CBX5: variants seen among roughly 807,000 people sequenced by gnomAD.
CBX5 encodes the protein chromobox protein homolog 5.
A neutral mutation model predicts 20.7 loss-of-function variants in CBX5; 7 were observed. That is an observed-to-expected ratio of 0.34 (90% CI 0.19 to 0.63). The LOEUF is 0.63. CBX5 is among the 30% of genes least tolerant of loss of function. The pLI is 0.75. For synonymous variants in CBX5, 78 were observed against 77.0 expected, an observed-to-expected ratio of 1.01 and a Z score of -0.07; for missense variants, 110 against 224.1, an observed-to-expected ratio of 0.49 and a Z score of 3.25.
intron 2 of CBX5, among the ~76,000 whole-genome samples, chr12:54,254,860 A>C (rs987688602): frequency 1.3e-5 from 2 of 152,152 alleles, no homozygotes; most frequent in Non-Finnish European, 2.9e-5. Context: ...GTCTCAAAAA[A>C]AGAAAAGAAG....
chr12:54,251,379 C>T (rs1012279011), intron 3 of CBX5, among the ~76,000 whole-genome samples: 8 of 151,712 alleles, frequency 5.3e-5, no homozygotes, highest in Non-Finnish European at 1.2e-4. Context: ...ATTAGCTGGG[C>T]GTGGTGGCAG....
At chr12:54,260,051 C>T (rs1031226182) in intron 1 of CBX5, among the ~76,000 whole-genome samples, 1 of 147,644 alleles carries the variant, frequency 6.8e-6, no homozygotes, top group African/African-American at 2.5e-5. Flanking sequence ...GGAAAAATAA[C>T]AGGAAACAGG....
intron 2 of CBX5, among the ~76,000 whole-genome samples, chr12:54,253,334 G>A (rs1029858034): frequency 2.0e-5 from 3 of 152,090 alleles, no homozygotes; most frequent in African/African-American, 7.2e-5. Flanking sequence ...AGAACTGCTT[G>A]AATCTGGGAG....
chr12:54,265,977 G>T (rs1943951903), intron 1 of CBX5, among the ~76,000 whole-genome samples: 1 of 151,876 alleles, frequency 6.6e-6, no homozygotes, highest in Non-Finnish European at 1.5e-5. Flanking sequence ...AACCTGGGAG[G>T]TGGAGGTTGC....
At chr12:54,275,725 G>C (rs1002982145) in intron 1 of CBX5, among the ~76,000 whole-genome samples, 4 of 151,864 alleles carry the variant, frequency 2.6e-5, no homozygotes, top group Non-Finnish European at 4.4e-5. Flanking sequence ...CACATTGGAG[G>C]CTGGGCACAG....
chr12:54,257,664 C>G lies in CBX5; in HGVS notation c.-14G>C. 6.2e-7 allele frequency: 1 copy of G among 1,614,132 alleles called. No individual in the cohort carries two copies. Among genetic ancestry groups the G allele is most frequent in the Non-Finnish European group, 8.5e-7 (1 of 1,179,970 alleles). ...TTTCTTTCCCATGTCGCACACCGTT[C>G]CACCTGAAAGACTAAGGCCACCAGG... On this transcript the variant is annotated 5_prime_UTR_variant, in exon 2 of 5. Coordinates refer to ENST00000209875, the MANE Select transcript of CBX5 (RefSeq NM_012117.3).
At position 54,231,447 on chromosome 12, in the gene CBX5, T is replaced by A. The variant is rs937108502; in HGVS notation, c.*10308A>T. The A allele has an allele frequency of 2.6e-5, 4 of 154,760 alleles. No homozygotes were observed. The highest frequency in any genetic ancestry group is 9.6e-5 in the African/African-American group (4 of 41,650). The allele number at this position is 154,760 out of a possible 1,614,324, so 9.6% of individuals were successfully genotyped here. The stretch of plus-strand genomic sequence containing the variant: ...ACTCCACAGAACCATCTGGTACTGC[T>A]AGTGCTGGGTGAACAGTGAGAGCAG... On this transcript the variant is annotated 3_prime_UTR_variant, in exon 5 of 5. Coordinates refer to ENST00000209875, the MANE Select transcript of CBX5 (RefSeq NM_012117.3).
Position 54,252,171 on chromosome 12 carries a change from T to C in CBX5, c.194A>G (p.Glu65Gly), listed in dbSNP as rs1223977885. Residue 65 changes from glutamate (E) to glycine (G), a missense_variant, in exon 3 of 5, where the codon GAA becomes GGA. Transcript: ENST00000209875. ...KNLDCPELIS[E>G]FMKKYKKMKE... ...CATCTTCTTATACTTTTTCATAAAT[T>C]CAGAAATTAGCTCAGGGCAATCCAA... 6.2e-7 allele frequency: 1 copy of C among 1,604,052 alleles called. No individual in the cohort carries two copies. Among genetic ancestry groups the C allele is most frequent in the Non-Finnish European group, 8.5e-7 (1 of 1,175,362 alleles).
intron 2 of CBX5, 167 bp from the exon 3 acceptor site, chr12:54,252,394 G>GAAAAAAAAAAA (rs397737743): frequency 4.2e-6 from 1 of 238,396 alleles, no homozygotes. Context: ...CAGGAAAAAT[G>GAAAAAAAAAAA]AAAAAAAAAA....
Position 54,243,515 on chromosome 12 carries a change from T to A in CBX5, c.426-1610A>T, listed in dbSNP as rs944447910. Among the ~76,000 whole-genome samples the A allele has an allele frequency of 3.5e-4, 53 of 152,170 alleles. 1 individual carries two copies. The highest frequency in any genetic ancestry group is 1.2e-3 in the African/African-American group (49 of 41,510). On this transcript the variant is annotated intron_variant, in intron 4 of 4. Transcript: ENST00000209875. Reference sequence around the variant, plus strand: ...GGGCAAGGCTGCAGTGAGCTGTGATTACGCCACTGCACTCCAGCCTGGGTG... The same window carrying A: ...GGGCAAGGCTGCAGTGAGCTGTGATAACGCCACTGCACTCCAGCCTGGGTG...
intron 1 of CBX5, chr12:54,272,514 A>G (rs1294562949): frequency 1.3e-5 from 2 of 152,258 alleles, no homozygotes; most frequent in African/African-American, 2.4e-5. Flanking sequence ...CAGGCTACAC[A>G]GTCTATAGTC....
chr12:54,257,411 G>T, intron 2 of CBX5, 103 bp downstream of exon 2: 1 of 1,159,446 alleles, frequency 8.6e-7, no homozygotes, highest in Non-Finnish European at 1.3e-6. Flanking sequence ...AAGAGTGCAG[G>T]AGGGGGAAGA....
At chr12:54,254,778 G>A (rs749591030) in intron 2 of CBX5, among the ~76,000 whole-genome samples, 46 of 152,034 alleles carry the variant, frequency 3.0e-4, no homozygotes, top group Non-Finnish European at 5.3e-4. Flanking sequence ...GTTTGAACCC[G>A]GGAGAAGGAG....
intron 3 of CBX5, among the ~76,000 whole-genome samples, chr12:54,248,618 G>T (rs1250106771): frequency 6.6e-6 from 1 of 152,132 alleles, no homozygotes; most frequent in Non-Finnish European, 1.5e-5. Context: ...GCACACAGCT[G>T]CTCACAGCTG....
chr12:54,265,377 T>C (rs1412905917), intron 1 of CBX5, among the ~76,000 whole-genome samples: 1 of 152,256 alleles, frequency 6.6e-6, no homozygotes, highest in African/African-American at 2.4e-5. Flanking sequence ...CCTATAAAGA[T>C]GTTTTCTTGC....
intron 4 of CBX5, among the ~76,000 whole-genome samples, chr12:54,245,410 C>T (rs909034592): frequency 5.9e-5 from 9 of 152,166 alleles, no homozygotes; most frequent in Non-Finnish European, 1.3e-4. Context: ...CCATTTAACA[C>T]CAATAATTGG....
At chr12:54,277,016 T>C (rs1257705410) in intron 1 of CBX5, 2 of 152,186 alleles carry the variant, frequency 1.3e-5, no homozygotes, top group Admixed American at 1.3e-4. Context: ...TGTGTAAGTT[T>C]AAGCAGCAAA....
chr12:54,278,771 C>G (rs976084071), intron 1 of CBX5: 3 of 152,158 alleles, frequency 2.0e-5, no homozygotes, highest in African/African-American at 7.2e-5. Context: ...ATCTTCTGTC[C>G]CCAGAACCCT....
rs1943641027 is a variant in CBX5 at position 54,238,027 on chromosome 12, C to CA, written c.*3727dup. 1 of 151,778 alleles carries CA rather than the reference C, an allele frequency of 6.6e-6. No homozygotes were observed. Among genetic ancestry groups the CA allele is most frequent in the African/African-American group, 2.4e-5 (1 of 41,288 alleles). The allele number at this position is 151,778 out of a possible 1,614,324, so 9.4% of individuals were successfully genotyped here. On this transcript the variant is annotated 3_prime_UTR_variant, in exon 5 of 5. Coordinates refer to ENST00000209875, the MANE Select transcript of CBX5 (RefSeq NM_012117.3). ...AAACATGGTAAAACCCCATCTCTAC[C>CA]AAAAATACAAAAATTAGCTGGGCAT... is the stretch of plus-strand genomic sequence containing the variant.
Sources: allele counts gnomAD v4.1 joint callset (sites outside exome capture counted in the v4.1 genomes callset), GRCh38; gene constraint gnomAD v4.1.1; transcripts MANE v1.5; gene names NCBI Gene and HGNC (gene_info 2026-07-23, HGNC 2026-07-21).